The following GATA4 variants were observed in gnomAD, a reference collection of about 807,000 sequenced individuals.
GATA4 encodes transcription factor GATA-4.
In GATA4, 7 loss-of-function variants were observed where a neutral mutation model predicts 37.9. The observed-to-expected ratio is 0.18, with a 90% confidence interval of 0.11 to 0.35. The LOEUF is 0.35. Ranked by LOEUF, GATA4 falls within the 10% of genes least tolerant of loss-of-function variation. GATA4 has a pLI of 1.00. For synonymous variants in GATA4, 372 were observed against 292.6 expected (o/e 1.27, Z -2.77); for missense variants, 647 against 653.0 (o/e 0.99, Z 0.10).
intron 2 of GATA4, among the ~76,000 whole-genome samples, chr8:11,713,052 CT>C (rs35874748): frequency 0.12 from 17,870 of 150,246 alleles, 1,226 homozygotes; most frequent in South Asian, 0.23. Flanking sequence ...CAAGAGAACA[CT>C]TTTTTTTTTC....
intron 2 of GATA4, among the ~76,000 whole-genome samples, chr8:11,726,755 T>C (rs1195295113): frequency 6.6e-6 from 1 of 152,152 alleles, no homozygotes; most frequent in East Asian, 1.9e-4. Context: ...TGTTTGCCTG[T>C]AGACACCCCT....
At chr8:11,680,904 G>T (rs1229684240) in intron 1 of GATA4, 1 of 985,222 alleles carries the variant, frequency 1.0e-6, no homozygotes, top group African/African-American at 1.7e-5. Flanking sequence ...GACCCCTAAA[G>T]AGGCCAAGGA....
At position 11,709,921 on chromosome 8, in the gene GATA4, C is replaced by G. The variant is rs972776017; in HGVS notation, c.616+993C>G. Among the ~76,000 whole-genome samples, 1 of 152,134 alleles carries G rather than the reference C, an allele frequency of 6.6e-6. No homozygotes were observed. Among genetic ancestry groups the G allele is most frequent in the African/African-American group, 2.4e-5 (1 of 41,420 alleles). On this transcript the variant is annotated intron_variant, in intron 2 of 6. Coordinates refer to ENST00000532059, the MANE Select transcript of GATA4 (RefSeq NM_001308093.3). The surrounding 1 kb of genome is among the most constrained non-coding windows in gnomAD (Gnocchi z 4.3). ...CGACCTCTGGAATTTCGGGAAGAGACGGAGGAGTGAGTTTGGATTGAGCCC... is the reference window on the plus strand; with the variant it reads ...CGACCTCTGGAATTTCGGGAAGAGAGGGAGGAGTGAGTTTGGATTGAGCCC...
chr8:11,710,938 C>G (rs13249227), intron 2 of GATA4, among the ~76,000 whole-genome samples: 62,706 of 151,760 alleles, frequency 0.41, 17,050 homozygotes, highest in Non-Finnish European at 0.61. Context: ...TGGTGAAACC[C>G]CATCTCTACT....
At chr8:11,691,183 C>T (rs938364530), upstream of GATA4, among the ~76,000 whole-genome samples, 31 of 152,358 alleles carry the variant, frequency 2.0e-4, no homozygotes, top group African/African-American at 7.2e-4. Context: ...AAATGGATCC[C>T]AGTTTTCATC....
At chr8:11,723,346 A>C (rs1800761512) in intron 2 of GATA4, among the ~76,000 whole-genome samples, 1 of 152,080 alleles carries the variant, frequency 6.6e-6, no homozygotes, top group Non-Finnish European at 1.5e-5. Context: ...GTGTTAAAAA[A>C]AAAAAACAAA....
chr8:11,688,966 G>A (rs1447439108), upstream of GATA4, among the ~76,000 whole-genome samples: 1 of 152,232 alleles, frequency 6.6e-6, no homozygotes, highest in Non-Finnish European at 1.5e-5. Flanking sequence ...GAATTCTCAT[G>A]TGTTATTCAG....
rs952319493 is a variant in GATA4 at position 11,749,578 on chromosome 8, C to T, written c.786+493C>T. Among the ~76,000 whole-genome samples, 4 of 152,234 alleles carry T rather than the reference C, an allele frequency of 2.6e-5. No individual in the cohort carries two copies. The highest frequency in any genetic ancestry group is 1.3e-4 in the Admixed American group (2 of 15,290). ...GGAAGAGTTTGGGCCTGGGGCTTGG[C>T]TCCTGGCTTCCTGCTCCTTTTTAAT... is the stretch of plus-strand genomic sequence containing the variant. On this transcript the variant is annotated intron_variant, in intron 3 of 6. Coordinates refer to ENST00000532059, the MANE Select transcript of GATA4 (RefSeq NM_001308093.3). This position sits in a 1 kb window ranked among gnomAD's most constrained non-coding sequence, Gnocchi z 4.6.
chr8:11,717,047 A>C (rs1435033683), intron 2 of GATA4, among the ~76,000 whole-genome samples: 1 of 152,220 alleles, frequency 6.6e-6, no homozygotes, highest in Non-Finnish European at 1.5e-5. Context: ...CTGCAGAACC[A>C]GCTGTTAAGG....
chr8:11,749,143 T>G lies in GATA4; in HGVS notation c.786+58T>G. The G allele has an allele frequency of 6.4e-7, 1 of 1,566,744 alleles. No individual in the cohort carries two copies. Among genetic ancestry groups the G allele is most frequent in the Non-Finnish European group, 8.7e-7 (1 of 1,145,184 alleles). On this transcript the variant is annotated intron_variant, in intron 3 of 6. Transcript: ENST00000532059. This position sits in a 1 kb window ranked among gnomAD's most constrained non-coding sequence, Gnocchi z 4.6. Reference sequence around the variant, plus strand: ...CCTGGCTGCGGAGCTCTCGCCTTGGTGGGACATCCTCTGGTTTTGAATTTT... The same window carrying G: ...CCTGGCTGCGGAGCTCTCGCCTTGGGGGGACATCCTCTGGTTTTGAATTTT...
chr8:11,686,279 G>A (rs891026867), intron 1 of GATA4, among the ~76,000 whole-genome samples: 3 of 151,322 alleles, frequency 2.0e-5, no homozygotes, highest in East Asian at 3.9e-4. Flanking sequence ...GTAACATCGA[G>A]ATAAAGACCA....
intron 2 of GATA4, among the ~76,000 whole-genome samples, chr8:11,739,356 C>G (rs1170255646): frequency 6.6e-6 from 1 of 152,172 alleles, no homozygotes; most frequent in Non-Finnish European, 1.5e-5. Flanking sequence ...CAGTATTTGG[C>G]AGGAATACCT....
intron 2 of GATA4, among the ~76,000 whole-genome samples, chr8:11,728,752 G>T (rs1024219603): frequency 6.6e-6 from 1 of 152,172 alleles, no homozygotes; most frequent in Non-Finnish European, 1.5e-5. Context: ...TGCACAGGAG[G>T]CTGCCAAGTT....
intron 4 of GATA4, among the ~76,000 whole-genome samples, chr8:11,750,520 T>C (rs989951424): frequency 1.3e-5 from 2 of 152,216 alleles, no homozygotes; most frequent in Non-Finnish European, 1.5e-5. Flanking sequence ...GATAGTTGTA[T>C]TGACAAAATT....
At chr8:11,741,518 GCAA>G (rs1246775461) in intron 2 of GATA4, among the ~76,000 whole-genome samples, 1 of 152,030 alleles carries the variant, frequency 6.6e-6, no homozygotes. Context: ...TGAGAGCAAT[GCAA>G]CAGTCCACAA....
In GATA4 at chr8:11,684,138, C is replaced by T. The variant is rs147605798; in HGVS notation, c.-274+7075C>T. The stretch of plus-strand genomic sequence containing the variant: ...TGCCCTGGTGATGGAGATCCCTGAG[C>T]TGCTAGAAACTAAAGCCCCTGAAAC... On this transcript the variant is annotated intron_variant, in intron 1 of 6. Coordinates refer to the GATA4 transcript ENST00000528712. Among the ~76,000 whole-genome samples, 283 of 152,346 alleles carry T rather than the reference C, an allele frequency of 1.9e-3. 2 individuals are homozygous for T. Among genetic ancestry groups the T allele is most frequent in the African/African-American group, 6.7e-3 (277 of 41,578 alleles).
intron 1 of GATA4, among the ~76,000 whole-genome samples, chr8:11,706,905 T>C (rs1799911513): frequency 6.6e-6 from 1 of 152,160 alleles, no homozygotes; most frequent in Non-Finnish European, 1.5e-5. Flanking sequence ...AGACAGCAGG[T>C]AATTCAAAAA....
chr8:11,723,213 C>A (rs1563209363), intron 2 of GATA4, among the ~76,000 whole-genome samples: 1 of 151,798 alleles, frequency 6.6e-6, no homozygotes, highest in Non-Finnish European at 1.5e-5. Flanking sequence ...ATAAATTAGG[C>A]AGGGGTGGTG....
intron 2 of GATA4, among the ~76,000 whole-genome samples, chr8:11,733,698 C>T (rs916774242): frequency 1.3e-5 from 2 of 152,200 alleles, no homozygotes; most frequent in Non-Finnish European, 2.9e-5. Context: ...AACAGATATG[C>T]GTCCCTGCAG....
Sources: allele counts gnomAD v4.1 joint callset (sites outside exome capture counted in the v4.1 genomes callset), GRCh38; gene constraint gnomAD v4.1.1; non-coding constraint Gnocchi (gnomAD v3.1); transcripts MANE v1.5; gene names NCBI Gene and HGNC (gene_info 2026-07-23, HGNC 2026-07-21).